Variants in PRDM16 observed in about 807,000 individuals in gnomAD.
The protein encoded by PRDM16 is histone-lysine N-methyltransferase PRDM16.
A neutral mutation model predicts 110.6 loss-of-function variants in PRDM16; 23 were observed. The ratio of observed to expected loss-of-function variants is 0.21; its 90% CI spans 0.15 to 0.29. The LOEUF (loss-of-function observed/expected upper bound fraction) is 0.29. PRDM16 is among the 10% of genes least tolerant of loss of function. The pLI, the probability that PRDM16 is intolerant of heterozygous loss-of-function variation, is 1.00. For missense variants in PRDM16, 1,615 were observed against 1,794.3 expected (o/e 0.90, Z 1.81); for synonymous variants, 799 against 781.8 (o/e 1.02, Z -0.37).
chr1:3,298,852 T>C (rs753137462), intron 3 of PRDM16, among the ~76,000 whole-genome samples: 2 of 152,196 alleles, frequency 1.3e-5, no homozygotes, highest in Non-Finnish European at 2.9e-5. Flanking sequence ...AAAAGAGCTT[T>C]TGTCTTTGGA....
chr1:3,314,427 A>G (rs190816142), intron 3 of PRDM16, among the ~76,000 whole-genome samples: 7 of 152,266 alleles, frequency 4.6e-5, no homozygotes, highest in Middle Eastern at 3.4e-3. Flanking sequence ...GACAGTCTGC[A>G]GGTCAGAGGA....
At chr1:3,301,618 G>C (rs2100390995) in intron 3 of PRDM16, among the ~76,000 whole-genome samples, 1 of 152,318 alleles carries the variant, frequency 6.6e-6, no homozygotes, top group Non-Finnish European at 1.5e-5. Context: ...ACTACAGACT[G>C]TGTCCAGGGC....
rs570811105 is a variant in PRDM16 at position 3,314,081 on chromosome 1, G to A, written c.438+69944G>A. Among the ~76,000 whole-genome samples the A allele has an allele frequency of 2.5e-4, 38 of 151,524 alleles. 3 individuals carry two copies. The South Asian group carries it at 4.8e-3, about 19-fold the overall frequency. Reference sequence around the variant, plus strand: ...GCCGTCCTTCCCCACCGGGGGGGGGGGCGGGAACATAAAATGGACCCAAGT... The same window carrying A: ...GCCGTCCTTCCCCACCGGGGGGGGGAGCGGGAACATAAAATGGACCCAAGT... On this transcript the variant is annotated intron_variant, in intron 3 of 16. Coordinates refer to ENST00000270722, the MANE Select transcript of PRDM16 (RefSeq NM_022114.4).
chr1:3,426,499 G>C (rs555209280), intron 14 of PRDM16, among the ~76,000 whole-genome samples: 14 of 152,272 alleles, frequency 9.2e-5, no homozygotes, highest in Admixed American at 9.1e-4. Context: ...CAAAACACTA[G>C]CCAGGTGACC....
intron 3 of PRDM16, among the ~76,000 whole-genome samples, chr1:3,248,484 C>T (rs1193085182): frequency 1.3e-5 from 2 of 152,180 alleles, no homozygotes; most frequent in Non-Finnish European, 2.9e-5. Flanking sequence ...CATGGGAGGG[C>T]TAGGCCTGGG....
At chr1:3,401,612 A>G (rs1643473180) in intron 5 of PRDM16, among the ~76,000 whole-genome samples, 1 of 151,800 alleles carries the variant, frequency 6.6e-6, no homozygotes. Context: ...AAACCAACAC[A>G]CAATGTGCGT....
chr1:3,361,867 C>A (rs1347869721), intron 3 of PRDM16, among the ~76,000 whole-genome samples: 2 of 144,660 alleles, frequency 1.4e-5, no homozygotes, highest in Admixed American at 6.9e-5. Flanking sequence ...GTGACTGTGG[C>A]CCAGGAGGGA....
At chr1:3,075,581 GT>G (rs1350872313) in intron 1 of PRDM16, among the ~76,000 whole-genome samples, 1 of 152,252 alleles carries the variant, frequency 6.6e-6, no homozygotes, top group Non-Finnish European at 1.5e-5. Flanking sequence ...TATTATGGCT[GT>G]TTTTATAACC....
chr1:3,083,368 T>C lies in PRDM16; in HGVS notation c.37+14072T>C, dbSNP rs1049580188. On this transcript the variant is annotated intron_variant, in intron 1 of 16. Coordinates refer to ENST00000270722, the MANE Select transcript of PRDM16 (RefSeq NM_022114.4). The stretch of plus-strand genomic sequence containing the variant: ...TTCAAGGCAGTGCGGCCATCTGGGC[T>C]GGGCCTGGCGCTGGCGGGGCCTGCT... Among the ~76,000 whole-genome samples the C allele has an allele frequency of 2.6e-5, 4 of 152,222 alleles. No homozygotes were observed. In the East Asian group the frequency reaches 7.7e-4, roughly 29 times the overall value.
At position 3,186,403 on chromosome 1, in the gene PRDM16, G is replaced by A. The variant is rs766897178; in HGVS notation, c.316G>A (p.Ala106Thr). ...GGTCTGGGCCAAGAGGAAGATGGAA[G>A]CCGGGGAGAGGCTGGGCCCCTGCGT... ...LGVWAKRKMEAGERLGPCVVV... is the reference protein window; with the variant it reads ...LGVWAKRKMETGERLGPCVVV... The change falls in exon 2 of 17, where the codon GCC becomes ACC. Residue 106 changes from alanine to threonine, a missense_variant. Ala to Thr is a moderately conservative substitution (Grantham distance 58, BLOSUM62 0). Transcript: ENST00000270722. The A allele has an allele frequency of 5.0e-6, 8 of 1,602,612 alleles. No homozygotes were observed. The highest frequency in any genetic ancestry group is 1.3e-5 in the African/African-American group (1 of 74,498).
chr1:3,319,666 TG>T (rs1641695592), intron 3 of PRDM16, among the ~76,000 whole-genome samples: 1 of 152,114 alleles, frequency 6.6e-6, no homozygotes, highest in African/African-American at 2.4e-5. Context: ...GCTGGCTGCT[TG>T]GGGAAATCGA....
chr1:3,110,752 T>C (rs1176784274), intron 1 of PRDM16, among the ~76,000 whole-genome samples: 1 of 152,216 alleles, frequency 6.6e-6, no homozygotes, highest in Non-Finnish European at 1.5e-5. Context: ...GTTGTGGGCT[T>C]CCTGTGGTCC....
chr1:3,106,931 T>C (rs1642672133), intron 1 of PRDM16, among the ~76,000 whole-genome samples: 1 of 152,206 alleles, frequency 6.6e-6, no homozygotes, highest in African/African-American at 2.4e-5. Context: ...AACAGAGCCC[T>C]GCCACCCAGA....
intron 1 of PRDM16, among the ~76,000 whole-genome samples, chr1:3,151,707 C>T (rs546479937): frequency 1.3e-4 from 20 of 152,312 alleles, no homozygotes; most frequent in Middle Eastern, 3.4e-3. Context: ...AGTGGCCGGG[C>T]GTGCATTAGA....
intron 7 of PRDM16, 101 bp from the exon 8 acceptor site, chr1:3,405,394 A>G: frequency 7.5e-7 from 1 of 1,334,922 alleles, no homozygotes; most frequent in Non-Finnish European, 1.0e-6. Context: ...CAAGAGAGAC[A>G]GGCAGGGCCC....
chr1:3,241,642 A>G (rs1260255511), intron 2 of PRDM16, among the ~76,000 whole-genome samples: 1 of 152,250 alleles, frequency 6.6e-6, no homozygotes, highest in Non-Finnish European at 1.5e-5. Flanking sequence ...CGCACGGACC[A>G]AGCCCACGTC....
intron 1 of PRDM16, among the ~76,000 whole-genome samples, chr1:3,169,615 A>G (rs1431002678): frequency 3.3e-5 from 5 of 152,182 alleles, no homozygotes; most frequent in Non-Finnish European, 5.9e-5. Flanking sequence ...CCTCCTCAAC[A>G]AAGAGGCTGA....
intron 1 of PRDM16, among the ~76,000 whole-genome samples, chr1:3,079,029 C>T (rs1253812347): frequency 3.3e-5 from 5 of 152,264 alleles, no homozygotes; most frequent in African/African-American, 4.8e-5. Flanking sequence ...ACGGTGACCG[C>T]AGGGTGGCTG....
chr1:3,309,154 T>TAC (rs1479611438), intron 3 of PRDM16: 2 of 152,280 alleles, frequency 1.3e-5, no homozygotes, highest in Non-Finnish European at 2.9e-5. Context: ...GCACCGGACC[T>TAC]TCTGCCCTCC....
Sources: allele counts gnomAD v4.1 joint callset (sites outside exome capture counted in the v4.1 genomes callset), GRCh38; gene constraint gnomAD v4.1.1; transcripts MANE v1.5; gene names NCBI Gene and HGNC (gene_info 2026-07-23, HGNC 2026-07-21).